Variants in SPEF2 observed in about 807,000 individuals in gnomAD.
SPEF2 encodes sperm flagellar and cilia associated 2, also known as sperm flagella and cilia-associated protein 2.
A neutral mutation model predicts 224.6 loss-of-function variants in SPEF2; 187 were observed. That is an observed-to-expected ratio of 0.83 (90% confidence interval 0.74 to 0.94). The LOEUF (loss-of-function observed/expected upper bound fraction) is 0.94, where lower values mean the gene tolerates loss of function less well. Among genes scored for constraint, SPEF2 ranks in the 40% least tolerant of loss-of-function variants. SPEF2 has a pLI of 0.00. For synonymous variants in SPEF2, 715 were observed against 707.3 expected (o/e 1.01, Z -0.17); for missense variants, 2,170 against 2,135.6 (o/e 1.02, Z -0.32).
chr5:35,807,634 G>A (rs773531418), intron 36 of SPEF2: 479 of 1,535,042 alleles, frequency 3.1e-4, no homozygotes, highest in Non-Finnish European at 3.8e-4. Context: ...CTCTAATCAC[G>A]CAAGGTACAC....
In SPEF2 at chr5:35,793,263, G is replaced by A; in HGVS notation, c.4659G>A (p.Glu1553=). 1.2e-6 allele frequency: 2 copies of A among 1,614,194 alleles called. No homozygotes were observed. The highest frequency in any genetic ancestry group is 1.7e-6 in the Non-Finnish European group (2 of 1,180,030). Residue 1553 remains glutamate (E), a synonymous_variant, in exon 32 of 37, where the codon GAG becomes GAA. Coordinates refer to ENST00000356031, the MANE Select transcript of SPEF2 (RefSeq NM_024867.4). ...CTTGGCCCATTCCCTTGGAGGAGGA[G>A]CTCCTTGAGACCCTTCAGAAGTTCA... The part of the protein sequence containing the change: ...SMPWPIPLEE[E]LLETLQKFKA...
chr5:35,682,359 G>T (rs932496026), intron 10 of SPEF2, among the ~76,000 whole-genome samples: 1 of 147,516 alleles, frequency 6.8e-6, no homozygotes, highest in African/African-American at 2.7e-5. Context: ...AAAAAAGATT[G>T]CATTTCAGGA....
rs1580594862 is a variant in SPEF2 at position 35,753,721 on chromosome 5, C to T, written c.3428C>T (p.Thr1143Ile). 2.5e-6 allele frequency: 4 copies of T among 1,614,092 alleles called. No homozygotes were observed. The Admixed American group carries it at 6.7e-5, about 27-fold the overall frequency. Residue 1143 changes from threonine (T) to isoleucine (I), a missense_variant, in exon 24 of 37, where the codon ACT (threonine) becomes ATT (isoleucine). Coordinates refer to ENST00000356031, the MANE Select transcript of SPEF2 (RefSeq NM_024867.4). The part of the protein sequence containing the change: ...DIINESWLQD[T>I]LGMTMNHFFS... ...ATTAATGAGAGCTGGTTACAGGACA[C>T]TCTTGGAATGACAATGAACCATTTC...
chr5:35,665,116 C>T (rs775797123), intron 8 of SPEF2, among the ~76,000 whole-genome samples: 14 of 152,002 alleles, frequency 9.2e-5, no homozygotes, highest in Admixed American at 1.3e-4. Context: ...ATTCTTTCAA[C>T]GACCATAAGT....
chr5:35,691,792 T>C (rs893865396), intron 11 of SPEF2, among the ~76,000 whole-genome samples: 3 of 152,126 alleles, frequency 2.0e-5, no homozygotes, highest in Non-Finnish European at 4.4e-5. Context: ...CTTTGTTTTA[T>C]TTTTATTTAT....
At chr5:35,803,757 C>G (rs912125001) in intron 34 of SPEF2, among the ~76,000 whole-genome samples, 1 of 152,206 alleles carries the variant, frequency 6.6e-6, no homozygotes, top group Admixed American at 6.5e-5. Flanking sequence ...ATATTCACTC[C>G]CAAGCCATTC....
At chr5:35,729,198 C>A (rs1472109860) in intron 21 of SPEF2, among the ~76,000 whole-genome samples, 1 of 152,126 alleles carries the variant, frequency 6.6e-6, no homozygotes, top group Non-Finnish European at 1.5e-5. Context: ...AGACTATTTA[C>A]ACATGTGAAG....
chr5:35,760,758 T>A (rs7380587), intron 25 of SPEF2, among the ~76,000 whole-genome samples: 7 of 152,136 alleles, frequency 4.6e-5, no homozygotes, highest in Admixed American at 4.6e-4. Context: ...GAAAAATGTC[T>A]TCTAGAAATG....
intron 8 of SPEF2, among the ~76,000 whole-genome samples, chr5:35,665,659 C>T (rs1477946903): frequency 6.6e-6 from 1 of 152,028 alleles, no homozygotes; most frequent in Non-Finnish European, 1.5e-5. Flanking sequence ...TCACTCTTTC[C>T]ATGAATTCTC....
intron 25 of SPEF2, among the ~76,000 whole-genome samples, chr5:35,762,963 T>G (rs2149757345): frequency 1.3e-5 from 2 of 152,268 alleles, no homozygotes; most frequent in Middle Eastern, 3.4e-3. Flanking sequence ...CCATCAAAAC[T>G]TAGCTGCCTC....
rs910470886 is a variant in SPEF2 at position 35,655,345 on chromosome 5, C to A, written c.978+619C>A. On this transcript the variant is annotated intron_variant, in intron 7 of 36. Coordinates refer to ENST00000356031, the MANE Select transcript of SPEF2 (RefSeq NM_024867.4). Reference sequence around the variant, plus strand: ...CACTGATCATTTCTTACATTGAACACATATTTATTGAACTTCTATGCTTTG... The same window carrying A: ...CACTGATCATTTCTTACATTGAACAAATATTTATTGAACTTCTATGCTTTG... 2.6e-5 allele frequency among the ~76,000 whole-genome samples: 4 copies of A among 152,216 alleles called. No homozygotes were observed. In the South Asian group the frequency reaches 6.2e-4, roughly 24 times the overall value.
chr5:35,633,280 T>C (rs887684038), intron 2 of SPEF2, among the ~76,000 whole-genome samples: 3 of 152,094 alleles, frequency 2.0e-5, no homozygotes, highest in African/African-American at 7.2e-5. Flanking sequence ...TCCCTCTAAT[T>C]CTTTCAGTTT....
At chr5:35,644,206 A>G (rs975706425) in intron 3 of SPEF2, 149 bp from the exon 4 acceptor site, 7 of 588,648 alleles carry the variant, frequency 1.2e-5, no homozygotes, top group Non-Finnish European at 2.8e-6. Flanking sequence ...TAAGAATATG[A>G]GTAATTGGAA....
At chr5:35,708,557 AT>A (rs1740296624) in intron 18 of SPEF2, among the ~76,000 whole-genome samples, 4 of 218 alleles carry the variant, frequency 0.018, no homozygotes, top group Admixed American at 0.083. Flanking sequence ...CACTCCTACC[AT>A]CACCACTACC....
rs750491304 is a variant in SPEF2, at chr5:35,705,729, T to C, written c.2586T>C (p.Asn862=). The part of the protein sequence containing the change: ...SEPENILIKI[N]AEIDKESLCE... ...CAGAAAATATTTTGATAAAAATCAA[T>C]GCTGAAATAGATAAGGAATCTTTAT... The change falls in exon 18 of 37, where the codon AAT becomes AAC. Residue 862 remains asparagine, a synonymous_variant. Transcript: ENST00000356031. 1 of 1,582,688 alleles carries C rather than the reference T, an allele frequency of 6.3e-7. No individual in the cohort carries two copies. Among genetic ancestry groups the C allele is most frequent in the Non-Finnish European group, 8.6e-7 (1 of 1,164,104 alleles).
chr5:35,745,526 G>T (rs906380382), intron 23 of SPEF2, among the ~76,000 whole-genome samples: 2 of 146,114 alleles, frequency 1.4e-5, no homozygotes, highest in Non-Finnish European at 3.0e-5. Flanking sequence ...TGGGAGCTGC[G>T]TGAGGCTGTG....
At chr5:35,649,042 A>G (rs976126884) in intron 5 of SPEF2, among the ~76,000 whole-genome samples, 1 of 151,930 alleles carries the variant, frequency 6.6e-6, no homozygotes, top group African/African-American at 2.4e-5. Flanking sequence ...GAAAAAAGAA[A>G]AGGAAATATT....
intron 2 of SPEF2, among the ~76,000 whole-genome samples, chr5:35,638,977 AG>A (rs1746217779): frequency 2.6e-5 from 4 of 152,208 alleles, no homozygotes; most frequent in African/African-American, 9.7e-5. Context: ...AGGACCACAG[AG>A]GGCCTTTTGT....
intron 20 of SPEF2, among the ~76,000 whole-genome samples, chr5:35,715,741 T>C (rs901623079): frequency 6.6e-6 from 1 of 152,016 alleles, no homozygotes; most frequent in Non-Finnish European, 1.5e-5. Context: ...TAAGTTATAT[T>C]TTTCCTGACC....
Sources: allele counts gnomAD v4.1 joint callset (sites outside exome capture counted in the v4.1 genomes callset), GRCh38; gene constraint gnomAD v4.1.1; transcripts MANE v1.5; gene names NCBI Gene and HGNC (gene_info 2026-07-23, HGNC 2026-07-21).